GRHL2: variants seen among roughly 807,000 people sequenced by gnomAD.
The protein encoded by GRHL2 is grainyhead like transcription factor 2, also known as grainyhead-like protein 2 homolog.
A neutral mutation model predicts 83.8 loss-of-function variants in GRHL2; 21 were observed. The ratio of observed to expected loss-of-function variants is 0.25; its 90% CI spans 0.18 to 0.36. The LOEUF is 0.36. Ranked by LOEUF, GRHL2 falls within the 10% of genes least tolerant of loss-of-function variation. The pLI, the probability that GRHL2 is intolerant of heterozygous loss-of-function variation, is 1.00. For synonymous variants in GRHL2, 280 were observed against 278.9 expected (o/e 1.00, Z -0.04); for missense variants, 623 against 781.8 (o/e 0.80, Z 2.42).
rs1811238595 is a variant in GRHL2 at position 101,545,384 on chromosome 8, G to T, written c.216+1948G>T. ...GGCTCCAGATGAAAGGATGCTTTAA[G>T]GCCTAAACTACATTGCATGTAACTA... On this transcript the variant is annotated intron_variant, in intron 2 of 15. Transcript: ENST00000646743. 3.8e-5 allele frequency among the ~76,000 whole-genome samples: 5 copies of T among 130,226 alleles called. No individual in the cohort carries two copies. The South Asian group carries it at 1.3e-3, about 34-fold the overall frequency. The allele number at this position is 130,226 out of a possible 152,430, so 85.4% of individuals were successfully genotyped here. A position where few individuals can be genotyped will look rare whatever the true frequency, so the allele number is the denominator to read the frequency against.
intron 1 of GRHL2, among the ~76,000 whole-genome samples, chr8:101,504,823 C>T (rs1810302620): frequency 6.6e-6 from 1 of 151,874 alleles, no homozygotes; most frequent in South Asian, 2.1e-4. Flanking sequence ...TTACTGCACG[C>T]GTCTTTAATG....
At chr8:101,505,948 C>G (rs1207223382) in intron 1 of GRHL2, among the ~76,000 whole-genome samples, 1 of 152,140 alleles carries the variant, frequency 6.6e-6, no homozygotes, top group Non-Finnish European at 1.5e-5. Context: ...GCAGCGTATC[C>G]AAGTGTGCTT....
Position 101,667,147 on chromosome 8 carries a change from T to G in GRHL2, c.*444T>G. ...GTGGCTGGACAAAATGAGCTACGTC[T>G]GGGTGCAGTAGTTATAGGTGGGGCA... On this transcript the variant is annotated 3_prime_UTR_variant, in exon 16 of 16. Transcript: ENST00000646743. 1 of 259,654 alleles carries G rather than the reference T, an allele frequency of 3.9e-6. No individual in the cohort carries two copies. Among genetic ancestry groups the G allele is most frequent in the Non-Finnish European group, 7.7e-6 (1 of 130,184 alleles). 16.1% of individuals were successfully genotyped at this position (259,654 alleles called of 1,614,324 possible).
intron 7 of GRHL2, among the ~76,000 whole-genome samples, chr8:101,591,514 C>A (rs1812280829): frequency 6.6e-6 from 1 of 152,108 alleles, no homozygotes; most frequent in Non-Finnish European, 1.5e-5. Context: ...TCAGTGCTTC[C>A]CAAGAAACTA....
intron 7 of GRHL2, among the ~76,000 whole-genome samples, chr8:101,594,082 AAAAAAAAAAAAAAAAAGAG>A (rs1234294811): frequency 1.4e-5 from 2 of 139,594 alleles, no homozygotes; most frequent in South Asian, 2.4e-4. Context: ...AAAAAAAAAA[AAAAAAAAAAAAAAAAAGAG>A]AGAGATAGTG....
At chr8:101,597,333 A>G (rs72674248) in intron 7 of GRHL2, among the ~76,000 whole-genome samples, 3,560 of 152,320 alleles carry the variant, frequency 0.023, 63 homozygotes, top group Middle Eastern at 0.034. Context: ...CTGGAGCCAC[A>G]GTTAGAAATA....
chr8:101,590,982 G>A (rs1050798531), intron 7 of GRHL2, among the ~76,000 whole-genome samples: 7 of 152,094 alleles, frequency 4.6e-5, no homozygotes, highest in African/African-American at 1.2e-4. Context: ...TTTACCAAGC[G>A]TGTGAAGCTC....
intron 4 of GRHL2, among the ~76,000 whole-genome samples, chr8:101,565,471 C>T (rs1036129708): frequency 1.3e-5 from 2 of 152,148 alleles, no homozygotes; most frequent in Non-Finnish European, 2.9e-5. Context: ...GCTAATAAAA[C>T]ACTGATGCAT....
Position 101,619,629 on chromosome 8 carries a change from A to G in GRHL2, c.1189A>G (p.Ser397Gly), listed in dbSNP as rs767917399. 4 of 1,612,844 alleles carry G rather than the reference A, an allele frequency of 2.5e-6. No individual in the cohort carries two copies. The highest frequency in any genetic ancestry group is 3.4e-6 in the Non-Finnish European group (4 of 1,178,894). The change falls in exon 9 of 16, where the codon AGT becomes GGT. Residue 397 changes from serine (S) to glycine (G), a missense_variant. Transcript: ENST00000646743. Reference sequence around the variant, plus strand: ...TTTGATGATTCAGATTGACACATACAGTTATAACAATCGTAGCAATAAACC... The same window carrying G: ...TTTGATGATTCAGATTGACACATACGGTTATAACAATCGTAGCAATAAACC... ...LPLMIQIDTY[S>G]YNNRSNKPIH...
intron 4 of GRHL2, among the ~76,000 whole-genome samples, chr8:101,559,271 G>C (rs1007042035): frequency 1.3e-5 from 2 of 148,386 alleles, no homozygotes; most frequent in African/African-American, 5.0e-5. Flanking sequence ...CAGCACTTTG[G>C]GAGGCCGAAG....
chr8:101,564,599 A>T (rs1416350868), intron 4 of GRHL2, among the ~76,000 whole-genome samples: 3 of 152,128 alleles, frequency 2.0e-5, no homozygotes, highest in Non-Finnish European at 4.4e-5. Context: ...TGAGCCCATG[A>T]GTTCAAGACT....
intron 6 of GRHL2, among the ~76,000 whole-genome samples, chr8:101,576,010 A>G (rs1811925961): frequency 6.6e-6 from 1 of 152,230 alleles, no homozygotes; most frequent in Admixed American, 6.5e-5. Flanking sequence ...TACTTTAGGC[A>G]AGAGCCAGAT....
rs184899119 is a variant in GRHL2 at position 101,559,389 on chromosome 8, G to T, written c.678+577G>T. 3.9e-3 allele frequency among the ~76,000 whole-genome samples: 551 copies of T among 139,836 alleles called. 1 individual carries two copies. Among genetic ancestry groups the T allele is most frequent in the African/African-American group, 0.014 (518 of 35,988 alleles). The allele number at this position is 139,836 out of a possible 152,430, so 91.7% of individuals were successfully genotyped here. On this transcript the variant is annotated intron_variant, in intron 4 of 15. Transcript: ENST00000646743. ...AAAAAAAAAAAAAAAAATTAGCCAG[G>T]CCTGGTGGCAGGCACCTGTAATTCC...
intron 6 of GRHL2, among the ~76,000 whole-genome samples, chr8:101,575,255 T>G (rs1811909596): frequency 1.3e-5 from 2 of 152,118 alleles, no homozygotes; most frequent in African/African-American, 2.4e-5. Context: ...ATAACTCATA[T>G]ACACCCTCTT....
At chr8:101,611,720 C>A (rs1255501624) in intron 8 of GRHL2, among the ~76,000 whole-genome samples, 5 of 150,816 alleles carry the variant, frequency 3.3e-5, no homozygotes, top group Non-Finnish European at 7.4e-5. Flanking sequence ...TCTGCCTTGG[C>A]CTCAGAGATG....
chr8:101,501,004 T>A (rs950037405), intron 1 of GRHL2, among the ~76,000 whole-genome samples: 4 of 152,220 alleles, frequency 2.6e-5, no homozygotes, highest in African/African-American at 9.6e-5. Flanking sequence ...GTAATATTAT[T>A]TGTAAAAAGA....
intron 12 of GRHL2, among the ~76,000 whole-genome samples, chr8:101,639,835 T>C (rs1034281080): frequency 2.0e-5 from 3 of 152,262 alleles, no homozygotes; most frequent in African/African-American, 7.2e-5. Context: ...GGACTGCTCA[T>C]TGGCCACGTT....
chr8:101,533,167 A>G (rs981599870), intron 1 of GRHL2, among the ~76,000 whole-genome samples: 2 of 151,990 alleles, frequency 1.3e-5, no homozygotes, highest in Non-Finnish European at 2.9e-5. Context: ...TGAAGGGGAG[A>G]GTTAAGAGGG....
intron 8 of GRHL2, among the ~76,000 whole-genome samples, chr8:101,601,495 C>T (rs1007070719): frequency 6.6e-6 from 1 of 152,152 alleles, no homozygotes; most frequent in Non-Finnish European, 1.5e-5. Flanking sequence ...TCACCATAAG[C>T]AGGAGCTTAC....
Sources: allele counts gnomAD v4.1 joint callset (sites outside exome capture counted in the v4.1 genomes callset), GRCh38; gene constraint gnomAD v4.1.1; transcripts MANE v1.5; gene names NCBI Gene and HGNC (gene_info 2026-07-23, HGNC 2026-07-21).